The following ZC3H12B variants were observed in gnomAD, a reference collection of about 807,000 sequenced individuals.
ZC3H12B encodes the protein zinc finger CCCH-type containing 12B.
ZC3H12B carries 7 observed loss-of-function variants against 43.9 expected under a neutral mutation model. The observed-to-expected ratio is 0.16, with a 90% CI of 0.09 to 0.30. The LOEUF is 0.30. ZC3H12B is among the 10% of genes least tolerant of loss of function. ZC3H12B has a pLI of 1.00. For missense variants in ZC3H12B, 475 were observed against 670.2 expected (o/e 0.71, Z 3.22); for synonymous variants, 222 against 241.7 (o/e 0.92, Z 0.76).
At chrX:65,192,859 T>G in the ZC3H12B span, among the ~76,000 whole-genome samples, 1 of 111,159 alleles carries the variant, frequency 9.0e-6, no homozygotes, top group East Asian at 2.8e-4. Flanking sequence ...AGTGGCACAA[T>G]CTCGACTAGT....
chrX:65,106,785 A>G, the ZC3H12B span, among the ~76,000 whole-genome samples: 12 of 111,658 alleles, frequency 1.1e-4, no homozygotes, highest in East Asian at 2.8e-4. Context: ...GCTAACATGA[A>G]CTGAGCACTT....
chrX:65,434,461 C>A (rs1462165752), intron 3 of ZC3H12B, among the ~76,000 whole-genome samples: 2 of 111,849 alleles, frequency 1.8e-5, no homozygotes, highest in African/African-American at 6.5e-5. Context: ...AACAAATAAA[C>A]AAATTGTTAG....
the ZC3H12B span, among the ~76,000 whole-genome samples, chrX:65,177,501 A>G: frequency 2.7e-4 from 30 of 112,306 alleles, no homozygotes; most frequent in African/African-American, 9.7e-4. Context: ...CTCTGTTTGC[A>G]GATGACATGA....
chrX:65,397,483 G>T (rs1395247034), intron 2 of ZC3H12B, among the ~76,000 whole-genome samples: 1 of 111,299 alleles, frequency 9.0e-6, no homozygotes, highest in African/African-American at 3.3e-5. Flanking sequence ...ATGAAATTTT[G>T]GGTTGAAAAT....
chrX:65,320,412 G>T, the ZC3H12B span, among the ~76,000 whole-genome samples: 1 of 111,667 alleles, frequency 9.0e-6, no homozygotes, highest in Middle Eastern at 4.2e-3. Flanking sequence ...CAAATAAATG[G>T]AGACACATTC....
chrX:65,262,260 C>T, the ZC3H12B span, among the ~76,000 whole-genome samples: 4 of 111,056 alleles, frequency 3.6e-5, no homozygotes, highest in Non-Finnish European at 5.7e-5. Context: ...TTGGTACCTA[C>T]CTATAGATCT....
At chrX:65,235,314 G>A in the ZC3H12B span, among the ~76,000 whole-genome samples, 2 of 112,179 alleles carry the variant, frequency 1.8e-5, no homozygotes, top group African/African-American at 3.2e-5. Context: ...CCAACCAACA[G>A]TGTAAACACA....
chrX:65,413,662 C>A (rs999852316), intron 3 of ZC3H12B, among the ~76,000 whole-genome samples: 1 of 112,188 alleles, frequency 8.9e-6, no homozygotes, highest in Non-Finnish European at 1.9e-5. Context: ...TATGGTACCA[C>A]GCTGTTATGA....
chrX:65,111,337 A>G, the ZC3H12B span, among the ~76,000 whole-genome samples: 2 of 111,184 alleles, frequency 1.8e-5, no homozygotes, highest in African/African-American at 6.5e-5. Context: ...AGCTTTTCAC[A>G]ATCAAGTATA....
At chrX:65,179,463 G>T in the ZC3H12B span, among the ~76,000 whole-genome samples, 1 of 109,146 alleles carries the variant, frequency 9.2e-6, no homozygotes, top group Non-Finnish European at 1.9e-5. Context: ...AAATTCAAAA[G>T]CTAGCAGAAG....
chrX:65,201,313 T>A, the ZC3H12B span, among the ~76,000 whole-genome samples: 1 of 111,895 alleles, frequency 8.9e-6, no homozygotes, highest in Non-Finnish European at 1.9e-5. Context: ...CCATTTCTTC[T>A]AGATTTTCTA....
chrX:65,134,980 TA>T, the ZC3H12B span, among the ~76,000 whole-genome samples: 2 of 111,186 alleles, frequency 1.8e-5, no homozygotes, highest in Non-Finnish European at 3.8e-5. Flanking sequence ...TGTCGTCAGT[TA>T]AGGCAGGAAC....
At chrX:65,276,172 G>A in the ZC3H12B span, among the ~76,000 whole-genome samples, 1 of 111,376 alleles carries the variant, frequency 9.0e-6, no homozygotes, top group African/African-American at 3.3e-5. Flanking sequence ...GAATAAAAAA[G>A]AATTAAGAAA....
At chrX:65,040,313 G>T in the ZC3H12B span, among the ~76,000 whole-genome samples, 1 of 108,612 alleles carries the variant, frequency 9.2e-6, no homozygotes, top group African/African-American at 3.3e-5. Context: ...CTTTAAATGT[G>T]CACATAGATC....
At chrX:65,147,147 T>TA in the ZC3H12B span, among the ~76,000 whole-genome samples, 1 of 112,422 alleles carries the variant, frequency 8.9e-6, no homozygotes, top group Admixed American at 9.4e-5. Context: ...AGGTGCTTGA[T>TA]ATGATCTGCA....
intron 3 of ZC3H12B, among the ~76,000 whole-genome samples, chrX:65,461,452 C>G (rs1168427151): frequency 1.8e-5 from 2 of 112,164 alleles, no homozygotes; most frequent in African/African-American, 6.5e-5. Flanking sequence ...GGAACCAACC[C>G]AAATGTCCAA....
chrX:65,094,796 A>G, the ZC3H12B span, among the ~76,000 whole-genome samples: 1 of 112,199 alleles, frequency 8.9e-6, no homozygotes, highest in Non-Finnish European at 1.9e-5. Flanking sequence ...TCTTTGTGAG[A>G]AAATGGGAAG....
chrX:65,163,760 A>G, the ZC3H12B span, among the ~76,000 whole-genome samples: 2 of 111,198 alleles, frequency 1.8e-5, no homozygotes, highest in African/African-American at 3.3e-5. Context: ...CAGCTCACGC[A>G]TGTTGCACTG....
At chrX:65,121,172 G>C in the ZC3H12B span, among the ~76,000 whole-genome samples, 1 of 111,750 alleles carries the variant, frequency 8.9e-6, no homozygotes, top group East Asian at 2.8e-4. Context: ...CATAAAATGA[G>C]TTAGGGAGGA....
Sources: gnomAD v4.1 joint callset for allele counts (sites outside exome capture counted in the v4.1 genomes callset) on GRCh38, gnomAD v4.1.1 for gene constraint, MANE v1.5 for transcripts, NCBI Gene and HGNC (gene_info 2026-07-23, HGNC 2026-07-21) for gene names.